The following ANTXR2 variants were observed in gnomAD, a reference collection of about 807,000 sequenced individuals.
The protein encoded by ANTXR2 is ANTXR cell adhesion molecule 2.
A neutral mutation model predicts 73.7 loss-of-function variants in ANTXR2; 44 were observed. The observed-to-expected ratio is 0.60, with a 90% confidence interval of 0.47 to 0.77. The LOEUF (loss-of-function observed/expected upper bound fraction) is 0.77, where lower values mean the gene tolerates loss of function less well. Ranked by LOEUF, ANTXR2 falls within the 30% of genes least tolerant of loss-of-function variation. The pLI is 0.00. For missense variants in ANTXR2, 604 were observed against 592.5 expected (o/e 1.02, Z -0.20); for synonymous variants, 217 against 205.9 (o/e 1.05, Z -0.46).
At chr4:80,071,214 C>T (rs944611815) in intron 2 of ANTXR2, among the ~76,000 whole-genome samples, 1 of 151,976 alleles carries the variant, frequency 6.6e-6, no homozygotes, top group African/African-American at 2.4e-5. Context: ...CTCTATAATG[C>T]TAAGAAATGT....
At chr4:79,923,738 G>A (rs1727677326) in intron 16 of ANTXR2, among the ~76,000 whole-genome samples, 1 of 152,084 alleles carries the variant, frequency 6.6e-6, no homozygotes, top group Non-Finnish European at 1.5e-5. Flanking sequence ...ACAGTTAACT[G>A]ACTTCATAGG....
intron 3 of ANTXR2, among the ~76,000 whole-genome samples, chr4:80,062,077 T>C (rs1396866788): frequency 1.3e-5 from 2 of 152,208 alleles, no homozygotes; most frequent in South Asian, 2.1e-4. Flanking sequence ...TTTAGCTGTA[T>C]CTTACTATAG....
intron 12 of ANTXR2, among the ~76,000 whole-genome samples, chr4:80,000,248 T>C (rs1231873855): frequency 2.6e-5 from 4 of 152,004 alleles, no homozygotes; most frequent in Non-Finnish European, 5.9e-5. Flanking sequence ...ACATTTCCCA[T>C]TGTATATATA....
chr4:80,006,399 T>A (rs1731301135), intron 12 of ANTXR2, among the ~76,000 whole-genome samples: 1 of 151,962 alleles, frequency 6.6e-6, no homozygotes, highest in Admixed American at 6.6e-5. Context: ...TTAGAAAACG[T>A]TTGCTATCAT....
chr4:79,935,102 A>G (rs553949057), intron 16 of ANTXR2, among the ~76,000 whole-genome samples: 1 of 152,060 alleles, frequency 6.6e-6, no homozygotes, highest in Non-Finnish European at 1.5e-5. Flanking sequence ...AAAAAAAAAA[A>G]CAACTGAATA....
intron 16 of ANTXR2, among the ~76,000 whole-genome samples, chr4:79,963,380 T>C (rs1420625209): frequency 6.6e-6 from 1 of 152,196 alleles, no homozygotes; most frequent in Non-Finnish European, 1.5e-5. Context: ...GGTTTTGCTG[T>C]AGATTTAAAA....
chr4:79,901,747 T>C lies in ANTXR2; in HGVS notation c.*5682A>G, dbSNP rs1431576671. The C allele has an allele frequency of 6.0e-6, 1 of 165,784 alleles. No homozygotes were observed. The highest frequency in any genetic ancestry group is 1.3e-5 in the Non-Finnish European group (1 of 79,856). The allele number at this position is 165,784 out of a possible 1,614,324, so 10.3% of individuals were successfully genotyped here. A position where few individuals can be genotyped will look rare whatever the true frequency, so the allele number is the denominator to read the frequency against. On this transcript the variant is annotated 3_prime_UTR_variant, in exon 17 of 17. Coordinates refer to ENST00000403729, the MANE Select transcript of ANTXR2 (RefSeq NM_058172.6). Reference sequence around the variant, plus strand: ...TTTCCTGCAACTAGATGGTCCCATCTGGGGGTGGTGGGAGACAACAACAGA... The same window carrying C: ...TTTCCTGCAACTAGATGGTCCCATCCGGGGGTGGTGGGAGACAACAACAGA...
intron 11 of ANTXR2, among the ~76,000 whole-genome samples, chr4:80,017,951 G>A (rs1390562556): frequency 1.3e-5 from 2 of 152,142 alleles, no homozygotes; most frequent in East Asian, 1.9e-4. Flanking sequence ...AGTGACCCAA[G>A]GGTCCATATG....
rs540835039 is a variant in ANTXR2 at position 80,054,283 on chromosome 4, T to C, written c.625A>G (p.Ile209Val). The C allele has an allele frequency of 1.1e-5, 17 of 1,596,792 alleles. No individual in the cohort carries two copies. The East Asian group carries it at 2.0e-4, about 19-fold the overall frequency. ...AGAGAAATACTCACAGAATTAATTA[T>C]TCCTTTAAGAGCCTGAAATCCACCT... ...VKGGFQALKG[I>V]INSILAQSCT... is the part of the protein sequence containing the mutation. Residue 209 changes from isoleucine to valine, a missense_variant, in exon 7 of 17, where the codon ATA becomes GTA. Ile to Val is a conservative substitution (Grantham distance 29, BLOSUM62 3). Transcript: ENST00000403729.
intron 16 of ANTXR2, 133 bp from the exon 17 acceptor site, chr4:79,907,600 C>A: frequency 1.0e-6 from 1 of 963,556 alleles, no homozygotes; most frequent in Non-Finnish European, 1.6e-6. Flanking sequence ...GACATGAAGT[C>A]ATAATTTTTT....
intron 3 of ANTXR2, among the ~76,000 whole-genome samples, chr4:80,056,658 T>C (rs994169990): frequency 1.3e-5 from 2 of 151,854 alleles, no homozygotes; most frequent in Admixed American, 6.6e-5. Context: ...GATGGATGAA[T>C]GTATGGATAG....
At chr4:80,062,061 A>G (rs1734286063) in intron 3 of ANTXR2, among the ~76,000 whole-genome samples, 1 of 152,220 alleles carries the variant, frequency 6.6e-6, no homozygotes, top group Non-Finnish European at 1.5e-5. Context: ...TTGGGAACTA[A>G]TGGGTTTTAG....
At chr4:79,980,731 G>A (rs188177672) in intron 14 of ANTXR2, among the ~76,000 whole-genome samples, 2 of 151,962 alleles carry the variant, frequency 1.3e-5, no homozygotes, top group African/African-American at 2.4e-5. Context: ...CATCATCTCC[G>A]TTCCAGCTTT....
chr4:79,981,690 G>A (rs1578127975), intron 14 of ANTXR2, among the ~76,000 whole-genome samples: 1 of 152,048 alleles, frequency 6.6e-6, no homozygotes, highest in East Asian at 1.9e-4. Context: ...TCAGATAAGG[G>A]ATACTCAACG....
At chr4:80,071,051 A>G (rs1310179457) in intron 2 of ANTXR2, among the ~76,000 whole-genome samples, 2 of 152,194 alleles carry the variant, frequency 1.3e-5, no homozygotes, top group East Asian at 1.9e-4. Context: ...GCATATATAG[A>G]ACAGTTAAAT....
chr4:79,924,933 C>G (rs1383067606), intron 16 of ANTXR2, among the ~76,000 whole-genome samples: 1 of 152,102 alleles, frequency 6.6e-6, no homozygotes, highest in African/African-American at 2.4e-5. Flanking sequence ...CCTATCATTA[C>G]AGATAGAAAA....
chr4:80,033,099 C>A (rs1381265159), intron 9 of ANTXR2, among the ~76,000 whole-genome samples: 2 of 151,776 alleles, frequency 1.3e-5, no homozygotes, highest in East Asian at 3.9e-4. Context: ...AGGAAAGAAG[C>A]AATTAAATCA....
At chr4:80,065,064 A>T (rs1239162236) in intron 3 of ANTXR2, among the ~76,000 whole-genome samples, 1 of 152,200 alleles carries the variant, frequency 6.6e-6, no homozygotes, top group Non-Finnish European at 1.5e-5. Context: ...TATCTATTAC[A>T]GGAAGTTCAT....
At chr4:79,925,055 T>C (rs1727730762) in intron 16 of ANTXR2, among the ~76,000 whole-genome samples, 1 of 152,120 alleles carries the variant, frequency 6.6e-6, no homozygotes, top group Admixed American at 6.6e-5. Flanking sequence ...ATTCTAAATA[T>C]GTATCATTGT....
Sources: allele counts gnomAD v4.1 joint callset (sites outside exome capture counted in the v4.1 genomes callset), GRCh38; gene constraint gnomAD v4.1.1; transcripts MANE v1.5; gene names NCBI Gene and HGNC (gene_info 2026-07-23, HGNC 2026-07-21).